Variants in LRRC56 observed in about 807,000 individuals in gnomAD.
LRRC56 encodes leucine rich repeat containing 56.
Under a neutral mutation model 47.8 loss-of-function variants are expected in LRRC56, and 41 were observed. The observed-to-expected ratio is 0.86, with a 90% confidence interval of 0.67 to 1.11. The LOEUF is 1.11. Ranked by LOEUF, LRRC56 falls within the 50% of genes most tolerant of loss-of-function variation. The pLI is 0.00. For synonymous variants in LRRC56, 387 were observed against 311.2 expected, an observed-to-expected ratio of 1.24 and a Z score of -2.56; for missense variants, 759 against 704.2, an observed-to-expected ratio of 1.08 and a Z score of -0.88.
At chr11:518,626 TG>T in the LRRC56 span, among the ~76,000 whole-genome samples, 32 of 152,224 alleles carry the variant, frequency 2.1e-4, no homozygotes, top group African/African-American at 7.5e-4. Flanking sequence ...CCCGGCCGCC[TG>T]TTCACTTTAT....
intron 6 of LRRC56, among the ~76,000 whole-genome samples, chr11:549,452 C>T (rs1852261530): frequency 6.6e-6 from 1 of 152,214 alleles, no homozygotes; most frequent in Non-Finnish European, 1.5e-5. Context: ...CTGGTCCCCA[C>T]AAAAGCTGCC....
At position 551,162 on chromosome 11, in the gene LRRC56, T is replaced by C. The variant is rs1361765391; in HGVS notation, c.656T>C (p.Val219Ala). 7.3e-6 allele frequency: 11 copies of C among 1,505,436 alleles called. No homozygotes were observed. The Admixed American group carries it at 1.6e-4, about 22-fold the overall frequency. The allele number at this position is 1,505,436 out of a possible 1,614,324, so 93.3% of individuals were successfully genotyped here. ...VPRGYNYRAE[V>A]RKLIPQLQVL... ...AGGGGCTACAACTACAGGGCAGAGGTGAGGAAGCTCATTCCCCAGCTGCAG... is the reference window on the plus strand; with the variant it reads ...AGGGGCTACAACTACAGGGCAGAGGCGAGGAAGCTCATTCCCCAGCTGCAG... The change falls in exon 9 of 14, where the codon GTG becomes GCG. Residue 219 changes from valine to alanine, a missense_variant. Physicochemically the swap from Val to Ala is moderately conservative, Grantham distance 64 (BLOSUM62 0). Coordinates refer to ENST00000270115, the MANE Select transcript of LRRC56 (RefSeq NM_198075.4).
chr11:518,709 G>C, the LRRC56 span, among the ~76,000 whole-genome samples: 1 of 152,178 alleles, frequency 6.6e-6, no homozygotes, highest in African/African-American at 2.4e-5. Context: ...AGCAGGTGGG[G>C]CAGGAAACGC....
the LRRC56 span, among the ~76,000 whole-genome samples, chr11:523,241 C>T: frequency 6.6e-6 from 1 of 151,454 alleles, no homozygotes; most frequent in East Asian, 2.0e-4. Flanking sequence ...GTTGGTCATG[C>T]TGGTCTCGAA....
At chr11:536,651 G>C (rs1812767525), upstream of LRRC56, among the ~76,000 whole-genome samples, 1 of 152,304 alleles carries the variant, frequency 6.6e-6, no homozygotes, top group South Asian at 2.1e-4. Context: ...CGCGCCTGTA[G>C]TCCCAGCTAC....
intron 5 of LRRC56, among the ~76,000 whole-genome samples, chr11:542,476 C>T (rs1000647400): frequency 6.6e-6 from 1 of 150,628 alleles, no homozygotes; most frequent in East Asian, 2.0e-4. Flanking sequence ...GGCATGATGG[C>T]ACCTGTAGTC....
chr11:545,538 G>A (rs997865068), intron 6 of LRRC56, among the ~76,000 whole-genome samples: 2 of 150,404 alleles, frequency 1.3e-5, no homozygotes, highest in Non-Finnish European at 2.9e-5. Flanking sequence ...GCACAGCAGA[G>A]CCTGTGTACA....
chr11:509,714 A>ATTTTT, the LRRC56 span, among the ~76,000 whole-genome samples: 1 of 125,208 alleles, frequency 8.0e-6, no homozygotes, highest in African/African-American at 3.0e-5. Flanking sequence ...CGCCCGGCTA[A>ATTTTT]TTTTTTTTTT....
rs71022928 is a variant in LRRC56, at chr11:542,580, C to CAAAAAAAAAAAAAAAA, written c.265+965_265+980dup. 5.5e-3 allele frequency among the ~76,000 whole-genome samples: 143 copies of CAAAAAAAAAAAAAAAA among 25,974 alleles called. 2 individuals carry two copies. Among genetic ancestry groups the CAAAAAAAAAAAAAAAA allele is most frequent in the Non-Finnish European group, 7.1e-3 (110 of 15,500 alleles). 17.0% of individuals were successfully genotyped at this position (25,974 alleles called of 152,430 possible). A position where few individuals can be genotyped will look rare whatever the true frequency, so the allele number is the denominator to read the frequency against. On this transcript the variant is annotated intron_variant, in intron 5 of 13. Transcript: ENST00000270115. ...TGGGCGACAGAGCAAAACCCTGTCG[C>CAAAAAAAAAAAAAAAA]AAAAAAAAAAAAAAAAAAAAAAAAC... is the stretch of plus-strand genomic sequence containing the variant.
chr11:526,534 C>T, the LRRC56 span, among the ~76,000 whole-genome samples: 1 of 152,268 alleles, frequency 6.6e-6, no homozygotes, highest in East Asian at 1.9e-4. Context: ...TCGGGGGGCA[C>T]GGTACACAAA....
upstream of LRRC56, among the ~76,000 whole-genome samples, chr11:536,509 C>T (rs1379749046): frequency 2.0e-5 from 3 of 152,360 alleles, no homozygotes; most frequent in Non-Finnish European, 4.4e-5. Context: ...GTGGCTCACG[C>T]CTATAATCCC....
the LRRC56 span, among the ~76,000 whole-genome samples, chr11:511,415 G>T: frequency 6.6e-6 from 1 of 152,112 alleles, no homozygotes; most frequent in African/African-American, 2.4e-5. Context: ...AGGTTCATAC[G>T]TGAGTGGTTA....
chr11:506,557 T>A, the LRRC56 span: 2 of 152,064 alleles, frequency 1.3e-5, no homozygotes, highest in Non-Finnish European at 2.9e-5. Context: ...AGCTCCGCAA[T>A]GGAGAGCGGA....
chr11:554,359 G>A lies in LRRC56; in HGVS notation c.*83G>A, dbSNP rs540689826. 244 of 1,236,386 alleles carry A rather than the reference G, an allele frequency of 2.0e-4. 2 individuals are homozygous for A. In the South Asian group the frequency reaches 4.2e-3, roughly 21 times the overall value. The allele number at this position is 1,236,386 out of a possible 1,614,324, so 76.6% of individuals were successfully genotyped here. A position where few individuals can be genotyped will look rare whatever the true frequency, so the allele number is the denominator to read the frequency against. On this transcript the variant is annotated 3_prime_UTR_variant, in exon 14 of 14. Transcript: ENST00000270115. The stretch of plus-strand genomic sequence containing the variant: ...GTCACAGAGCACAGAATACCTGGGC[G>A]GGTGTGTTGGGGGGTGGAAGGAGTG...
the LRRC56 span, chr11:532,233 A>T: frequency 7.9e-6 from 3 of 380,314 alleles, no homozygotes; most frequent in Non-Finnish European, 1.5e-5. Flanking sequence ...CCTCAGCCGA[A>T]AACCAAGATC....
At chr11:544,953 TGGAG>T in intron 6 of LRRC56, among the ~76,000 whole-genome samples, 173 bp downstream of exon 6, 1 of 148,370 alleles carries the variant, frequency 6.7e-6, no homozygotes, top group South Asian at 2.2e-4. Flanking sequence ...CGTGACCCTG[TGGAG>T]GGTGGATGGG....
chr11:536,229 C>T (rs45608134), upstream of LRRC56, among the ~76,000 whole-genome samples: 515 of 152,350 alleles, frequency 3.4e-3, 4 homozygotes, highest in African/African-American at 0.012. Flanking sequence ...CCCTCCACCA[C>T]TCTCCTCTTT....
At chr11:509,036 A>G in the LRRC56 span, among the ~76,000 whole-genome samples, 1 of 152,022 alleles carries the variant, frequency 6.6e-6, no homozygotes, top group Non-Finnish European at 1.5e-5. Flanking sequence ...CAAGAGCGAA[A>G]CTCCATCTCA....
rs961000634 is a variant in LRRC56, at chr11:544,724, G to C, written c.270G>C (p.Val90=). The change falls in exon 6 of 14, where the codon GTG becomes GTC. Residue 90 remains valine (V), a synonymous_variant. Transcript: ENST00000270115. Reference sequence around the variant, plus strand: ...CCTCCTCCTGTGGCCATACAGGGGTGCACCTGCCCAACCTGGACCAACTGA... The same window carrying C: ...CCTCCTCCTGTGGCCATACAGGGGTCCACCTGCCCAACCTGGACCAACTGA... ...TREGSLGNFG[V]HLPNLDQLKL... 6.2e-7 allele frequency: 1 copy of C among 1,612,656 alleles called. No individual in the cohort carries two copies. The highest frequency in any genetic ancestry group is 1.1e-5 in the South Asian group (1 of 91,084).
Sources: gnomAD v4.1 joint callset for allele counts (sites outside exome capture counted in the v4.1 genomes callset) on GRCh38, gnomAD v4.1.1 for gene constraint, MANE v1.5 for transcripts, NCBI Gene and HGNC (gene_info 2026-07-23, HGNC 2026-07-21) for gene names.